The following MBOAT1 variants were observed in gnomAD, a reference collection of about 807,000 sequenced individuals.
MBOAT1 encodes membrane bound glycerophospholipid O-acyltransferase 1.
A neutral mutation model predicts 64.4 loss-of-function variants in MBOAT1; 67 were observed. That is an observed-to-expected ratio of 1.04 (90% CI 0.85 to 1.27). MBOAT1 has a LOEUF of 1.27. Among genes scored for constraint, MBOAT1 ranks in the 50% most tolerant of loss-of-function variants. The probability of loss-of-function intolerance (pLI) is 0.00; values close to 1 mark genes in which losing one functional copy is unlikely to be tolerated. For synonymous variants in MBOAT1, 229 were observed against 218.9 expected (o/e 1.05, Z -0.41); for missense variants, 563 against 604.6 (o/e 0.93, Z 0.72).
At chr6:20,130,924 A>T (rs1760805725) in intron 5 of MBOAT1, among the ~76,000 whole-genome samples, 1 of 152,226 alleles carries the variant, frequency 6.6e-6, no homozygotes, top group South Asian at 2.1e-4. Flanking sequence ...TTCTCAGTAC[A>T]AATACGTCAG....
At chr6:20,166,750 C>T (rs1001093698) in intron 1 of MBOAT1, among the ~76,000 whole-genome samples, 6 of 152,084 alleles carry the variant, frequency 3.9e-5, no homozygotes, top group African/African-American at 1.4e-4. Context: ...CCAGCCTGGG[C>T]AAGAGAGTAA....
At chr6:20,150,162 C>T (rs1295272076) in intron 3 of MBOAT1, among the ~76,000 whole-genome samples, 4 of 152,154 alleles carry the variant, frequency 2.6e-5, no homozygotes, top group Non-Finnish European at 5.9e-5. Context: ...GTTGATTATC[C>T]AAGCATGCTG....
chr6:20,116,915 A>G (rs1760335113), intron 9 of MBOAT1, among the ~76,000 whole-genome samples: 1 of 152,246 alleles, frequency 6.6e-6, no homozygotes, highest in South Asian at 2.1e-4. Flanking sequence ...CAAGGCAGCC[A>G]GTCCATGAGT....
chr6:20,154,852 T>A (rs754490056), intron 1 of MBOAT1, among the ~76,000 whole-genome samples: 23 of 152,334 alleles, frequency 1.5e-4, no homozygotes, highest in Admixed American at 6.5e-4. Context: ...CTTACATCAA[T>A]GTCTCATTTT....
At chr6:20,103,984 C>T (rs771592616) in intron 12 of MBOAT1, among the ~76,000 whole-genome samples, 87 of 152,276 alleles carry the variant, frequency 5.7e-4, no homozygotes, top group Non-Finnish European at 1.1e-3. Flanking sequence ...CCTGCAAGCT[C>T]CATTCATGGT....
intron 9 of MBOAT1, 26 bp downstream of exon 9, chr6:20,118,411 A>G: frequency 6.5e-7 from 1 of 1,549,288 alleles, no homozygotes; most frequent in Admixed American, 1.7e-5. Context: ...TCACTATGGA[A>G]GTTGGACTTA....
At chr6:20,130,589 G>A (rs542808368) in intron 5 of MBOAT1, among the ~76,000 whole-genome samples, 3 of 152,010 alleles carry the variant, frequency 2.0e-5, no homozygotes, top group African/African-American at 4.8e-5. Context: ...TACTGACCTC[G>A]TGATCTGCCC....
At chr6:20,108,676 A>G (rs1224738312) in intron 12 of MBOAT1, among the ~76,000 whole-genome samples, 2 of 152,250 alleles carry the variant, frequency 1.3e-5, no homozygotes, top group African/African-American at 4.8e-5. Flanking sequence ...AAATGATACG[A>G]TGTTCCAAAG....
At chr6:20,184,054 G>C (rs1375146672) in intron 1 of MBOAT1, among the ~76,000 whole-genome samples, 4 of 152,184 alleles carry the variant, frequency 2.6e-5, no homozygotes, top group Non-Finnish European at 5.9e-5. Flanking sequence ...ATAACACGTG[G>C]GAATTCTGGG....
intron 12 of MBOAT1, among the ~76,000 whole-genome samples, chr6:20,104,820 C>G (rs1415336128): frequency 6.6e-6 from 1 of 152,182 alleles, no homozygotes; most frequent in African/African-American, 2.4e-5. Context: ...AGAGCTCGAA[C>G]AGAAGCAAAC....
intron 9 of MBOAT1, among the ~76,000 whole-genome samples, chr6:20,117,803 G>A (rs1760372633): frequency 6.6e-6 from 1 of 152,214 alleles, no homozygotes; most frequent in Non-Finnish European, 1.5e-5. Flanking sequence ...CTGCAAGGGG[G>A]AAAGGATCTG....
At chr6:20,149,151 C>T (rs1488165990) in intron 3 of MBOAT1, among the ~76,000 whole-genome samples, 1 of 151,676 alleles carries the variant, frequency 6.6e-6, no homozygotes, top group Non-Finnish European at 1.5e-5. Flanking sequence ...TTGTGCTGGC[C>T]TCTTTCCTTC....
At chr6:20,146,765 G>A (rs1035713591) in intron 3 of MBOAT1, among the ~76,000 whole-genome samples, 4 of 152,288 alleles carry the variant, frequency 2.6e-5, no homozygotes, top group Middle Eastern at 3.4e-3. Flanking sequence ...GTAGGACCCC[G>A]CCTGCCCAGG....
chr6:20,206,314 C>T (rs1393960253), intron 1 of MBOAT1, among the ~76,000 whole-genome samples: 1 of 152,212 alleles, frequency 6.6e-6, no homozygotes, highest in Admixed American at 6.5e-5. Flanking sequence ...GCTAGGACTG[C>T]AGGCTTGTGC....
At chr6:20,121,569 A>G (rs1311459500) in intron 8 of MBOAT1, among the ~76,000 whole-genome samples, 1 of 152,220 alleles carries the variant, frequency 6.6e-6, no homozygotes, top group Non-Finnish European at 1.5e-5. Flanking sequence ...AGAAAAGTGC[A>G]GGTGCTCTGT....
At chr6:20,194,925 T>C (rs1422715015) in intron 1 of MBOAT1, among the ~76,000 whole-genome samples, 2 of 152,088 alleles carry the variant, frequency 1.3e-5, no homozygotes, top group Non-Finnish European at 2.9e-5. Context: ...CCAAAATTTC[T>C]ATAACCTATA....
chr6:20,173,322 A>G (rs1328780212), intron 1 of MBOAT1, among the ~76,000 whole-genome samples: 3 of 152,074 alleles, frequency 2.0e-5, no homozygotes, highest in African/African-American at 7.2e-5. Context: ...GTGGCCTCTG[A>G]GTAATAGAAA....
chr6:20,114,758 C>T (rs1204119922), intron 10 of MBOAT1, among the ~76,000 whole-genome samples: 2 of 152,028 alleles, frequency 1.3e-5, no homozygotes, highest in African/African-American at 4.8e-5. Flanking sequence ...GTGATGGATG[C>T]CTGTAATCCC....
chr6:20,121,540 G>A (rs908903515), intron 8 of MBOAT1, among the ~76,000 whole-genome samples: 3 of 152,198 alleles, frequency 2.0e-5, no homozygotes, highest in Admixed American at 2.0e-4. Flanking sequence ...GCAGATGTCT[G>A]GGGAACTCCC....
Sources: allele counts gnomAD v4.1 joint callset (sites outside exome capture counted in the v4.1 genomes callset), GRCh38; gene constraint gnomAD v4.1.1; transcripts MANE v1.5; gene names NCBI Gene and HGNC (gene_info 2026-07-23, HGNC 2026-07-21).